The following CABLES1 variants were observed in gnomAD, a reference collection of about 807,000 sequenced individuals.
The protein encoded by CABLES1 is CDK5 and ABL1 enzyme substrate 1.
CABLES1 carries 36 observed loss-of-function variants against 57.8 expected under a neutral mutation model. The observed-to-expected ratio is 0.62, with a 90% CI of 0.48 to 0.82. The LOEUF is 0.82. Among genes scored for constraint, CABLES1 ranks in the 40% least tolerant of loss-of-function variants. The pLI is 0.00. For synonymous variants in CABLES1, 374 were observed against 363.0 expected (o/e 1.03, Z -0.35); for missense variants, 767 against 836.6 (o/e 0.92, Z 1.03).
chr18:23,208,651 G>A (rs942013441), intron 3 of CABLES1, among the ~76,000 whole-genome samples: 3 of 152,242 alleles, frequency 2.0e-5, no homozygotes, highest in African/African-American at 7.2e-5. Flanking sequence ...GAGCTGGGGT[G>A]CATGGCCCAG....
At chr18:23,244,802 G>A (rs1002932263) in intron 7 of CABLES1, among the ~76,000 whole-genome samples, 1 of 152,198 alleles carries the variant, frequency 6.6e-6, no homozygotes, top group African/African-American at 2.4e-5. Flanking sequence ...CTTACAGCTA[G>A]CTCCTGGGGT....
At chr18:23,194,629 C>A (rs2047268858) in intron 3 of CABLES1, 89 bp downstream of exon 3, 1 of 812,630 alleles carries the variant, frequency 1.2e-6, no homozygotes, top group Non-Finnish European at 2.1e-6. Context: ...CAAAACTCAG[C>A]AAACGCAAGC....
chr18:23,240,018 TGA>T (rs1049848380), intron 7 of CABLES1, among the ~76,000 whole-genome samples: 2 of 152,178 alleles, frequency 1.3e-5, no homozygotes, highest in Non-Finnish European at 2.9e-5. Flanking sequence ...CTGGAGAGGC[TGA>T]GGTGGGAGAA....
chr18:23,224,539 C>T (rs982408794), intron 4 of CABLES1, among the ~76,000 whole-genome samples: 2 of 149,522 alleles, frequency 1.3e-5, no homozygotes, highest in South Asian at 4.3e-4. Context: ...AGTTTCACTT[C>T]CATTTTTGTC....
At chr18:23,227,694 A>G (rs1221525908) in intron 4 of CABLES1, among the ~76,000 whole-genome samples, 1 of 152,168 alleles carries the variant, frequency 6.6e-6, no homozygotes, top group African/African-American at 2.4e-5. Flanking sequence ...TCTTAAGCTA[A>G]GGGGAAGACT....
intron 1 of CABLES1, among the ~76,000 whole-genome samples, chr18:23,172,646 C>T (rs574169012): frequency 6.6e-6 from 1 of 152,212 alleles, no homozygotes; most frequent in South Asian, 2.1e-4. Flanking sequence ...TCCATTCAGA[C>T]CTCTGACATA....
At position 23,258,321 on chromosome 18, in the gene CABLES1, C is replaced by T. The variant is rs911297166; in HGVS notation, c.*954C>T. 2 of 152,768 alleles carry T rather than the reference C, an allele frequency of 1.3e-5. No individual in the cohort carries two copies. The highest frequency in any genetic ancestry group is 2.4e-5 in the African/African-American group (1 of 41,586). The allele number at this position is 152,768 out of a possible 1,614,324, so 9.5% of individuals were successfully genotyped here. A position where few individuals can be genotyped will look rare whatever the true frequency, so the allele number is the denominator to read the frequency against. On this transcript the variant is annotated 3_prime_UTR_variant, in exon 10 of 10. Transcript: ENST00000256925. ...AGCACATTTACTGTGCTATCTATAT[C>T]GCTATATAAAAGTGTTTTATAAAAA...
At chr18:23,239,210 C>CAT (rs1339209428) in intron 7 of CABLES1, among the ~76,000 whole-genome samples, 1 of 152,214 alleles carries the variant, frequency 6.6e-6, no homozygotes, top group African/African-American at 2.4e-5. Context: ...CTTGCCAAGT[C>CAT]AGCATGTATG....
chr18:23,185,434 C>CA (rs2047195663), intron 1 of CABLES1, among the ~76,000 whole-genome samples: 2 of 152,176 alleles, frequency 1.3e-5, no homozygotes, highest in Non-Finnish European at 2.9e-5. Flanking sequence ...CCCCTGAGGA[C>CA]AGGAGGCAAG....
rs1199969795 is a variant in CABLES1, at chr18:23,234,692, T to G, written c.1173T>G (p.Gly391=). ...TTGGTCTGGAAGGTGTGGAGCTGGG[T>G]GCTGATGGGAAGGTAAGGCTGCCAG... ...EIIGLEGVEL[G]ADGKTVSYTQ... Residue 391 remains glycine (G), a synonymous_variant, in exon 5 of 10, where the codon GGT becomes GGG. Transcript: ENST00000256925. 2 of 1,613,292 alleles carry G rather than the reference T, an allele frequency of 1.2e-6. No homozygotes were observed. The highest frequency in any genetic ancestry group is 1.7e-5 in the Admixed American group (1 of 59,962).
chr18:23,209,392 G>A (rs906247449), intron 3 of CABLES1, among the ~76,000 whole-genome samples: 1 of 152,206 alleles, frequency 6.6e-6, no homozygotes, highest in Admixed American at 6.5e-5. Context: ...CAGGTACTGG[G>A]GCTTAGGGTT....
intron 1 of CABLES1, among the ~76,000 whole-genome samples, chr18:23,166,523 A>AT (rs752007711): frequency 7.2e-5 from 11 of 152,134 alleles, no homozygotes; most frequent in African/African-American, 2.7e-4. Flanking sequence ...TAAACTATGT[A>AT]TTTTTTTCTT....
At chr18:23,251,349 G>C (rs1056862546) in intron 7 of CABLES1, among the ~76,000 whole-genome samples, 5 of 152,200 alleles carry the variant, frequency 3.3e-5, no homozygotes, top group Admixed American at 6.5e-5. Context: ...TACTCGGAAG[G>C]CTGAGGCAGG....
intron 7 of CABLES1, among the ~76,000 whole-genome samples, chr18:23,248,233 G>A (rs573071667): frequency 6.6e-5 from 10 of 152,224 alleles, no homozygotes; most frequent in Non-Finnish European, 1.2e-4. Flanking sequence ...ATCGGATATC[G>A]TCAGTGCCTT....
At chr18:23,139,231 A>T (rs2046842534) in intron 1 of CABLES1, among the ~76,000 whole-genome samples, 1 of 151,850 alleles carries the variant, frequency 6.6e-6, no homozygotes. Flanking sequence ...GTGAAACCCC[A>T]TCTCTACTAA....
In CABLES1 at chr18:23,260,449, A is replaced by C. The variant is rs758257145; in HGVS notation, c.*3082A>C. On this transcript the variant is annotated 3_prime_UTR_variant, in exon 10 of 10. Transcript: ENST00000256925. ...CTGTTCCCTTCATTCCCCAACAGCA[A>C]ATAAAACTGTTGAATGCTCTGGCTG... is the stretch of plus-strand genomic sequence containing the variant. 1 of 152,196 alleles carries C rather than the reference A, an allele frequency of 6.6e-6. No homozygotes were observed. Among genetic ancestry groups the C allele is most frequent in the African/African-American group, 2.4e-5 (1 of 41,394 alleles). 9.4% of individuals were successfully genotyped at this position (152,196 alleles called of 1,614,324 possible).
At chr18:23,199,139 T>C (rs2047305567) in intron 3 of CABLES1, among the ~76,000 whole-genome samples, 3 of 152,236 alleles carry the variant, frequency 2.0e-5, no homozygotes, top group Admixed American at 2.0e-4. Context: ...TTAAAATGGC[T>C]TAAGCAAACT....
rs748230822 is a variant in CABLES1, at chr18:23,253,067, G to T, written c.1553+1G>T. The T allele has an allele frequency of 6.3e-7, 1 of 1,590,000 alleles. No homozygotes were observed. The highest frequency in any genetic ancestry group is 8.6e-7 in the Non-Finnish European group (1 of 1,158,264). On this transcript the variant is annotated splice_donor_variant, in intron 8 of 9. Coordinates refer to ENST00000256925, the MANE Select transcript of CABLES1 (RefSeq NM_001100619.3). LOFTEE classifies it high-confidence loss of function. ...AGCTGACACTCAGCAAAATTAGGAG[G>T]TACGGGAGGCTGGACTTGCCTGTGA...
intron 4 of CABLES1, among the ~76,000 whole-genome samples, chr18:23,215,599 C>T (rs555746049): frequency 6.6e-6 from 1 of 152,126 alleles, no homozygotes; most frequent in South Asian, 2.1e-4. Flanking sequence ...TTCCTTAGCT[C>T]CATCTCATTC....
Sources: allele counts gnomAD v4.1 joint callset (sites outside exome capture counted in the v4.1 genomes callset), GRCh38; gene constraint gnomAD v4.1.1; transcripts MANE v1.5; gene names NCBI Gene and HGNC (gene_info 2026-07-23, HGNC 2026-07-21).